Variants in RTTN observed in about 807,000 individuals in gnomAD.
The protein encoded by RTTN is rotatin.
Under a neutral mutation model 269.2 loss-of-function variants are expected in RTTN, and 182 were observed. The observed-to-expected ratio is 0.68, with a 90% CI of 0.60 to 0.76. RTTN has a LOEUF of 0.76. RTTN is among the 30% of genes least tolerant of loss of function. The pLI is 0.00. For missense variants in RTTN, 2,545 were observed against 2,608.6 expected (o/e 0.98, Z 0.53); for synonymous variants, 1,006 against 963.5 (o/e 1.04, Z -0.82).
At chr18:70,117,761 A>C (rs1001520015) in intron 26 of RTTN, among the ~76,000 whole-genome samples, 1 of 152,058 alleles carries the variant, frequency 6.6e-6, no homozygotes, top group African/African-American at 2.4e-5. Flanking sequence ...CAAATATAAC[A>C]AGACTGAAAT....
In RTTN at chr18:70,127,687, T is replaced by A. The variant is rs747312783; in HGVS notation, c.3198A>T (p.Thr1066=). The change falls in exon 25 of 49, where the codon ACA becomes ACT. Residue 1066 remains threonine (T), a synonymous_variant. Coordinates refer to ENST00000640769, the MANE Select transcript of RTTN (RefSeq NM_173630.4). ...AGTCCTGCAGCCCACTAGCCATGTG[T>A]GTTATCTTCAGAGTGAGGATGTCCT... is the stretch of plus-strand genomic sequence containing the variant. ...STEDILTLKI[T]HMASGLQDCL... The A allele has an allele frequency of 3.4e-5, 55 of 1,613,294 alleles. No individual in the cohort carries two copies.
At chr18:70,031,224 G>T in intron 40 of RTTN, 1 of 520,586 alleles carries the variant, frequency 1.9e-6, no homozygotes, top group Non-Finnish European at 3.4e-6. Flanking sequence ...ACAGAAAAAA[G>T]CTTTATTTAG....
intron 10 of RTTN, among the ~76,000 whole-genome samples, chr18:70,184,708 T>TGTGTGTGTGTG (rs1346425275): frequency 1.9e-4 from 11 of 58,602 alleles, no homozygotes; most frequent in African/African-American, 7.6e-4. Flanking sequence ...AGCAGGTTTT[T>TGTGTGTGTGTG]TTTTTTTTTG....
At chr18:70,007,372 A>C (rs2056227181) in intron 46 of RTTN, 1 of 152,566 alleles carries the variant, frequency 6.6e-6, no homozygotes, top group Non-Finnish European at 1.5e-5. Context: ...GAGATTTTTC[A>C]TACCTCAGTA....
In RTTN at chr18:70,183,010, C is replaced by T. The variant is rs78943525; in HGVS notation, c.1305+5098G>A. Among the ~76,000 whole-genome samples, 149 of 152,182 alleles carry T rather than the reference C, an allele frequency of 9.8e-4. 1 individual carries two copies. In the East Asian group the frequency reaches 0.022, roughly 22 times the overall value. ...ACAGATAGGCCAGTTGCTTAAATGA[C>T]ATAATTAAAAACTTTACGTAAAACT... On this transcript the variant is annotated intron_variant, in intron 10 of 48. Transcript: ENST00000640769.
intron 10 of RTTN, among the ~76,000 whole-genome samples, chr18:70,182,399 T>C (rs1418429170): frequency 6.6e-6 from 1 of 151,690 alleles, no homozygotes. Context: ...CAAAATAGCA[T>C]AAAGAGAAAA....
chr18:70,204,210 A>G lies in RTTN; in HGVS notation c.273T>C (p.Ser91=). The part of the protein sequence containing the change: ...LVDVGAVEFL[S]KLRSNVEPNL... ...TTGGCTCCACATTAGACCGAAGCTT[A>G]GATAAGAACTCTACTGCACCAACGT... The change falls in exon 3 of 49, where the codon TCT becomes TCC. Residue 91 remains serine, a synonymous_variant. Coordinates refer to ENST00000640769, the MANE Select transcript of RTTN (RefSeq NM_173630.4). 3.7e-6 allele frequency: 6 copies of G among 1,614,142 alleles called. No individual in the cohort carries two copies. Among genetic ancestry groups the G allele is most frequent in the African/African-American group, 1.3e-5 (1 of 75,052 alleles).
chr18:70,175,855 A>G (rs959120160), intron 11 of RTTN, among the ~76,000 whole-genome samples: 4 of 152,174 alleles, frequency 2.6e-5, no homozygotes, highest in Admixed American at 1.3e-4. Context: ...TGGAGCAGCA[A>G]TGGAAACTAT....
chr18:70,035,373 A>G (rs2057141127), intron 40 of RTTN, among the ~76,000 whole-genome samples: 1 of 152,236 alleles, frequency 6.6e-6, no homozygotes, highest in Non-Finnish European at 1.5e-5. Flanking sequence ...ACATAGACCG[A>G]TGGAACAGAA....
At chr18:70,098,049 A>T (rs985181090) in intron 28 of RTTN, among the ~76,000 whole-genome samples, 16 of 60,260 alleles carry the variant, frequency 2.7e-4, no homozygotes, top group Non-Finnish European at 1.1e-3. Flanking sequence ...AAATCACATG[A>T]CAAAAAATGC....
At chr18:70,094,910 T>C (rs912144469) in intron 28 of RTTN, among the ~76,000 whole-genome samples, 1 of 152,062 alleles carries the variant, frequency 6.6e-6, no homozygotes, top group South Asian at 2.1e-4. Flanking sequence ...GGTGTTAAAG[T>C]CTCCCACTGT....
At chr18:70,204,984 C>A in intron 2 of RTTN, 144 bp downstream of exon 2, 4 of 735,250 alleles carry the variant, frequency 5.4e-6, no homozygotes, top group Non-Finnish European at 9.0e-6. Context: ...GAACCATATA[C>A]CCAGATTAAT....
At chr18:70,023,782 T>C (rs1184327228) in intron 44 of RTTN, among the ~76,000 whole-genome samples, 2 of 152,118 alleles carry the variant, frequency 1.3e-5, no homozygotes, top group Non-Finnish European at 2.9e-5. Flanking sequence ...CAGGGCAATT[T>C]TTCTTTTCTT....
chr18:70,119,453 G>A (rs998472115), intron 26 of RTTN, among the ~76,000 whole-genome samples: 3 of 151,660 alleles, frequency 2.0e-5, no homozygotes, highest in African/African-American at 7.3e-5. Context: ...AGAGGAAAAT[G>A]GAAGGAAAAA....
chr18:70,154,599 T>C (rs1296550312), intron 14 of RTTN, among the ~76,000 whole-genome samples: 1 of 152,186 alleles, frequency 6.6e-6, no homozygotes, highest in Non-Finnish European at 1.5e-5. Context: ...AGGTTTCTAA[T>C]CTTCTTACTC....
At chr18:70,145,445 G>A (rs1289214421) in intron 18 of RTTN, among the ~76,000 whole-genome samples, 167 bp downstream of exon 18, 5 of 152,014 alleles carry the variant, frequency 3.3e-5, no homozygotes, top group African/African-American at 2.4e-5. Flanking sequence ...ATAAATCAAC[G>A]TATCTAGAAG....
At chr18:70,136,686 G>A (rs2060132665) in intron 21 of RTTN, among the ~76,000 whole-genome samples, 1 of 151,996 alleles carries the variant, frequency 6.6e-6, no homozygotes, top group Non-Finnish European at 1.5e-5. Flanking sequence ...TTCAGTGTTG[G>A]CAAAGTTGTA....
In RTTN at chr18:70,075,525, T is replaced by TC. The variant is rs1434617419; in HGVS notation, c.4390dup (p.Asp1464GlyfsTer2). 1 of 1,579,804 alleles carries TC rather than the reference T, an allele frequency of 6.3e-7. No individual in the cohort carries two copies. On this transcript the variant is annotated frameshift_variant, in exon 33 of 49. Coordinates refer to ENST00000640769, the MANE Select transcript of RTTN (RefSeq NM_173630.4). LOFTEE classifies it high-confidence loss of function. ...AATGAGCGATAGGCCAGAGTCCTCA[T>TC]CATGAACACAGGGACCCTGTAGGAA...
intron 40 of RTTN, among the ~76,000 whole-genome samples, chr18:70,043,936 C>T (rs2057417141): frequency 6.6e-6 from 1 of 152,184 alleles, no homozygotes; most frequent in Non-Finnish European, 1.5e-5. Flanking sequence ...TGAGAATAAA[C>T]TCAAGCAACA....
Sources: allele counts gnomAD v4.1 joint callset (sites outside exome capture counted in the v4.1 genomes callset), GRCh38; gene constraint gnomAD v4.1.1; transcripts MANE v1.5; gene names NCBI Gene and HGNC (gene_info 2026-07-23, HGNC 2026-07-21).